The following MED12L variants were observed in gnomAD, a reference collection of about 807,000 sequenced individuals.
MED12L encodes the protein mediator complex subunit 12L.
MED12L carries 60 observed loss-of-function variants against 281.3 expected under a neutral mutation model. That is an observed-to-expected ratio of 0.21 (90% CI 0.17 to 0.26). MED12L has a LOEUF of 0.26. Ranked by LOEUF, MED12L falls within the 10% of genes least tolerant of loss-of-function variation. The probability of loss-of-function intolerance (pLI) is 1.00; values close to 1 mark genes in which losing one functional copy is unlikely to be tolerated. For synonymous variants in MED12L, 974 were observed against 987.2 expected (o/e 0.99, Z 0.25); for missense variants, 2,146 against 2,680.9 (o/e 0.80, Z 4.41).
chr3:151,237,059 T>C (rs974817307), intron 16 of MED12L, among the ~76,000 whole-genome samples: 2 of 150,682 alleles, frequency 1.3e-5, no homozygotes, highest in African/African-American at 2.4e-5. Context: ...TTTTTTTTTT[T>C]TTTTTTTGAG....
intron 16 of MED12L, among the ~76,000 whole-genome samples, chr3:151,335,696 A>C (rs1455872890): frequency 1.3e-5 from 2 of 152,214 alleles, no homozygotes; most frequent in Admixed American, 1.3e-4. Context: ...TTTATGTATA[A>C]TGATCCCTCC....
chr3:151,389,261 A>G (rs377165582), intron 37 of MED12L, among the ~76,000 whole-genome samples: 133 of 152,136 alleles, frequency 8.7e-4, no homozygotes, highest in Admixed American at 2.2e-3. Context: ...CCTGAAACCA[A>G]TCCTGCTCCC....
At chr3:151,192,686 T>A in intron 15 of MED12L, 32 bp downstream of exon 15, 2 of 1,354,660 alleles carry the variant, frequency 1.5e-6, no homozygotes, top group South Asian at 1.2e-5. Context: ...TATTGACAAT[T>A]AAGAATTAAC....
intron 16 of MED12L, chr3:151,198,356 T>A (rs952768734): frequency 7.1e-5 from 80 of 1,131,052 alleles, no homozygotes; most frequent in Middle Eastern, 3.0e-4. Context: ...TTTTTTTTTT[T>A]ATCTTTCAAA....
intron 43 of MED12L, among the ~76,000 whole-genome samples, chr3:151,419,688 T>G (rs1718019850): frequency 6.6e-6 from 1 of 151,898 alleles, no homozygotes; most frequent in Non-Finnish European, 1.5e-5. Flanking sequence ...GACATAATCT[T>G]CAAATAAAGA....
Position 151,410,716 on chromosome 3 carries a change from C to T in MED12L, c.5911-562C>T, listed in dbSNP as rs78461724. ...CGTACTAGAGGATAATGAACAGTTA[C>T]CAATTGCACCATTCCTGGCTAAGGT... On this transcript the variant is annotated intron_variant, in intron 40 of 44. Coordinates refer to ENST00000687756, the MANE Select transcript of MED12L (RefSeq NM_001393769.1). 1.5e-3 allele frequency among the ~76,000 whole-genome samples: 234 copies of T among 152,290 alleles called. 4 individuals carry two copies. The East Asian group carries it at 0.023, about 15-fold the overall frequency.
chr3:151,351,681 A>AGG (rs1313766031), intron 17 of MED12L, among the ~76,000 whole-genome samples: 1 of 152,306 alleles, frequency 6.6e-6, no homozygotes, highest in African/African-American at 2.4e-5. Context: ...GCAATGGGGT[A>AGG]GGGGGGAGTC....
rs369808121 is a variant in MED12L at position 151,255,145 on chromosome 3, T to C, written c.2250+61479T>C. Among the ~76,000 whole-genome samples, 14 of 152,262 alleles carry C rather than the reference T, an allele frequency of 9.2e-5. No homozygotes were observed. The East Asian group carries it at 1.9e-3, about 21-fold the overall frequency. On this transcript the variant is annotated intron_variant, in intron 16 of 44. Coordinates refer to ENST00000687756, the MANE Select transcript of MED12L (RefSeq NM_001393769.1). ...AATAGGCAGGCTGAAGATTGACTTA[T>C]GGAATTGATGAAGCTGTTGGGAGAC...
chr3:151,334,574 C>T (rs9840232), intron 16 of MED12L, among the ~76,000 whole-genome samples: 16,824 of 151,978 alleles, frequency 0.11, 1,232 homozygotes, highest in Middle Eastern at 0.17. Context: ...GGCTCAATCT[C>T]GGCTCACTGC....
Position 151,364,970 on chromosome 3 carries a change from T to C in MED12L, c.2958-9T>C, listed in dbSNP as rs146776211. 78 of 1,597,116 alleles carry C rather than the reference T, an allele frequency of 4.9e-5. No individual in the cohort carries two copies. The African/African-American group carries it at 8.7e-4, about 18-fold the overall frequency. Reference sequence around the variant, plus strand: ...TTTTCTGTTTTAACTTTTTTTCTTATAACCTCAGTAGTGCCTGTTCAAAAG... The same window carrying C: ...TTTTCTGTTTTAACTTTTTTTCTTACAACCTCAGTAGTGCCTGTTCAAAAG... On this transcript the variant is annotated splice_polypyrimidine_tract_variant and intron_variant, in intron 21 of 44. Transcript: ENST00000687756.
At position 151,425,428 on chromosome 3, in the gene MED12L, C is replaced by T. The variant is rs145370556; in HGVS notation, c.6409-4871C>T. On this transcript the variant is annotated intron_variant, in intron 43 of 44. Coordinates refer to ENST00000687756, the MANE Select transcript of MED12L (RefSeq NM_001393769.1). ...TTTTAATTTATTTTAGAGACAGAGG[C>T]TCAATCTTGTCAGCCAGGCTGGGGT... 4.3e-4 allele frequency: 113 copies of T among 265,184 alleles called. No homozygotes were observed. The East Asian group carries it at 9.7e-3, about 23-fold the overall frequency. 16.4% of individuals were successfully genotyped at this position (265,184 alleles called of 1,614,324 possible).
chr3:151,144,440 C>T (rs1229705115), intron 5 of MED12L, among the ~76,000 whole-genome samples: 1 of 152,152 alleles, frequency 6.6e-6, no homozygotes, highest in Non-Finnish European at 1.5e-5. Context: ...CGGGAGTTTC[C>T]ATGCAACCTT....
At chr3:151,339,088 A>G (rs1751441653) in intron 16 of MED12L, among the ~76,000 whole-genome samples, 1 of 152,194 alleles carries the variant, frequency 6.6e-6, no homozygotes, top group South Asian at 2.1e-4. Flanking sequence ...GTGAAGTTAT[A>G]GATGCTTAGT....
chr3:151,193,299 G>A (rs950816672), intron 15 of MED12L, among the ~76,000 whole-genome samples, 191 bp from the exon 16 acceptor site: 5 of 152,160 alleles, frequency 3.3e-5, no homozygotes, highest in African/African-American at 9.7e-5. Flanking sequence ...GGAGGGTGAT[G>A]CTCACAGATT....
At chr3:151,273,537 G>C (rs573468922) in intron 16 of MED12L, among the ~76,000 whole-genome samples, 1 of 151,384 alleles carries the variant, frequency 6.6e-6, no homozygotes, top group Non-Finnish European at 1.5e-5. Context: ...CACTGCGCCC[G>C]GCCTGATTGT....
At chr3:151,257,613 G>A (rs1738071544) in intron 16 of MED12L, among the ~76,000 whole-genome samples, 1 of 152,202 alleles carries the variant, frequency 6.6e-6, no homozygotes, top group Non-Finnish European at 1.5e-5. Context: ...AATATTGTCT[G>A]TCATCAGTAT....
intron 2 of MED12L, among the ~76,000 whole-genome samples, chr3:151,109,558 A>G (rs1711548419): frequency 6.6e-6 from 1 of 152,070 alleles, no homozygotes; most frequent in Non-Finnish European, 1.5e-5. Flanking sequence ...CTTTGTTGTA[A>G]ATCTGTTGAA....
At chr3:151,405,930 C>T (rs892093544) in intron 39 of MED12L, among the ~76,000 whole-genome samples, 9 of 152,262 alleles carry the variant, frequency 5.9e-5, no homozygotes, top group African/African-American at 1.9e-4. Flanking sequence ...TCCTAATTTG[C>T]CTCTGGATTT....
At chr3:151,159,730 GTTTT>G in intron 7 of MED12L, 98 bp from the exon 8 acceptor site, 2 of 1,202,958 alleles carry the variant, frequency 1.7e-6, no homozygotes, top group Non-Finnish European at 1.2e-6. Context: ...TACCTTTGAA[GTTTT>G]TTTATCTTTT....
Sources: gnomAD v4.1 joint callset for allele counts (sites outside exome capture counted in the v4.1 genomes callset) on GRCh38, gnomAD v4.1.1 for gene constraint, MANE v1.5 for transcripts, NCBI Gene and HGNC (gene_info 2026-07-23, HGNC 2026-07-21) for gene names.